The following KIAA1614 variants were observed in gnomAD, a reference collection of about 807,000 sequenced individuals.
KIAA1614 encodes the protein KIAA1614, also known as uncharacterized protein KIAA1614.
In KIAA1614, 76 loss-of-function variants were observed where a neutral mutation model predicts 88.7. That is an observed-to-expected ratio of 0.86 (90% CI 0.71 to 1.04). The LOEUF is 1.04. KIAA1614 is among the 50% of genes least tolerant of loss of function. The pLI is 0.00. For synonymous variants in KIAA1614, 714 were observed against 675.5 expected (o/e 1.06, Z -0.88); for missense variants, 1,553 against 1,582.5 (o/e 0.98, Z 0.32).
intron 1 of KIAA1614, among the ~76,000 whole-genome samples, chr1:180,914,958 C>A (rs927262207): frequency 5.3e-5 from 8 of 152,138 alleles, no homozygotes; most frequent in Non-Finnish European, 8.8e-5. Flanking sequence ...TGAGCCACCG[C>A]GCCTAGCCAA....
rs922159321 is a variant in KIAA1614 at position 180,946,497 on chromosome 1, G to A, written c.*909G>A. On this transcript the variant is annotated 3_prime_UTR_variant, in exon 9 of 9. Coordinates refer to ENST00000367588, the MANE Select transcript of KIAA1614 (RefSeq NM_020950.2). ...GGCAACGTGACTTGCAAAAGCCCACGCCCAAGGTCTGTGGTCCAGAATGCA... is the reference window on the plus strand; with the variant it reads ...GGCAACGTGACTTGCAAAAGCCCACACCCAAGGTCTGTGGTCCAGAATGCA... The A allele has an allele frequency of 6.6e-5, 10 of 152,238 alleles. No homozygotes were observed. The highest frequency in any genetic ancestry group is 5.2e-4 in the Admixed American group (8 of 15,282). 9.4% of individuals were successfully genotyped at this position (152,238 alleles called of 1,614,324 possible).
rs192022545 is a variant in KIAA1614, at chr1:180,929,880, G to A, written c.1205+1307G>A. On this transcript the variant is annotated intron_variant, in intron 4 of 8. Coordinates refer to ENST00000367588, the MANE Select transcript of KIAA1614 (RefSeq NM_020950.2). ...GCAGTGGAGGGAGCAGGGGTTCTTA[G>A]GGAACAGGGATCTTGGTGGAACTGG... is the stretch of plus-strand genomic sequence containing the variant. Among the ~76,000 whole-genome samples, 585 of 152,284 alleles carry A rather than the reference G, an allele frequency of 3.8e-3. 5 individuals are homozygous for A. Among genetic ancestry groups the A allele is most frequent in the African/African-American group, 0.013 (528 of 41,548 alleles).
In KIAA1614 at chr1:180,936,107, A is replaced by T; in HGVS notation, c.2198A>T (p.Gln733Leu). 6.2e-7 allele frequency: 1 copy of T among 1,614,174 alleles called. No individual in the cohort carries two copies. Among genetic ancestry groups the T allele is most frequent in the South Asian group, 1.1e-5 (1 of 91,082 alleles). Residue 733 changes from glutamine to leucine, a missense_variant, in exon 5 of 9, where the codon CAG becomes CTG. Coordinates refer to ENST00000367588, the MANE Select transcript of KIAA1614 (RefSeq NM_020950.2). Reference sequence around the variant, plus strand: ...CCTGGACCAGGGCTGGGAAGTCACCAGCCTCACCCTTTGGATTCCCGGACT... The same window carrying T: ...CCTGGACCAGGGCTGGGAAGTCACCTGCCTCACCCTTTGGATTCCCGGACT... ...WQPGPGLGSHQPHPLDSRTPC... is the reference protein window; with the variant it reads ...WQPGPGLGSHLPHPLDSRTPC...
rs972744229 is a variant in KIAA1614, at chr1:180,936,750, C to T, written c.2761+80C>T. 2.4e-5 allele frequency: 22 copies of T among 905,124 alleles called. No individual in the cohort carries two copies. The South Asian group carries it at 3.8e-4, about 16-fold the overall frequency. 56.1% of individuals were successfully genotyped at this position (905,124 alleles called of 1,614,324 possible). A position where few individuals can be genotyped will look rare whatever the true frequency, so the allele number is the denominator to read the frequency against. On this transcript the variant is annotated intron_variant, in intron 5 of 8. Coordinates refer to ENST00000367588, the MANE Select transcript of KIAA1614 (RefSeq NM_020950.2). ...AGACGCCCAGACCCAATCCATGACA[C>T]ACAGGCCTTCAGAGTCATTCCCTTT...
In KIAA1614 at chr1:180,945,964, G is replaced by A. The variant is rs748940132; in HGVS notation, c.*376G>A. 13 of 237,030 alleles carry A rather than the reference G, an allele frequency of 5.5e-5. No individual in the cohort carries two copies. Among genetic ancestry groups the A allele is most frequent in the African/African-American group, 7.0e-5 (3 of 43,116 alleles). 14.7% of individuals were successfully genotyped at this position (237,030 alleles called of 1,614,324 possible). On this transcript the variant is annotated 3_prime_UTR_variant, in exon 9 of 9. Transcript: ENST00000367588. ...ACTAAAAATACAAAATTAGCTGGGC[G>A]TGGTGGCGCATGCCTATAATCCCAG...
intron 6 of KIAA1614, among the ~76,000 whole-genome samples, chr1:180,939,842 C>T (rs911991690): frequency 6.6e-6 from 1 of 152,204 alleles, no homozygotes. Context: ...CCTCTTCCCC[C>T]TTTCTCATCA....
rs1161970214 is a variant in KIAA1614 at position 180,950,455 on chromosome 1, G to A, written c.*4867G>A. 4.2e-6 allele frequency: 5 copies of A among 1,179,336 alleles called. No individual in the cohort carries two copies. The highest frequency in any genetic ancestry group is 5.4e-6 in the Non-Finnish European group (5 of 932,872). The allele number at this position is 1,179,336 out of a possible 1,614,324, so 73.1% of individuals were successfully genotyped here. Reference sequence around the variant, plus strand: ...GGGCCAAGGTGGCAGGGCTGGGCTTGGCTCACATTAAGGAGCTCCTGGCCC... The same window carrying A: ...GGGCCAAGGTGGCAGGGCTGGGCTTAGCTCACATTAAGGAGCTCCTGGCCC... On this transcript the variant is annotated 3_prime_UTR_variant, in exon 9 of 9. Coordinates refer to ENST00000367588, the MANE Select transcript of KIAA1614 (RefSeq NM_020950.2).
Position 180,916,207 on chromosome 1 carries a change from T to C in KIAA1614, c.104T>C (p.Val35Ala), listed in dbSNP as rs750930526. ...TASPVEGTSA[V>A]EWSGPEPQLD... ...AGCCCCGTGGAGGGGACCTCAGCTG[T>C]GGAGTGGAGTGGTCCTGAGCCACAG... is the stretch of plus-strand genomic sequence containing the variant. Residue 35 changes from valine (V) to alanine (A), a missense_variant, in exon 2 of 9, where the codon GTG (valine) becomes GCG (alanine). Coordinates refer to ENST00000367588, the MANE Select transcript of KIAA1614 (RefSeq NM_020950.2). 8.9e-5 allele frequency: 143 copies of C among 1,607,584 alleles called. No individual in the cohort carries two copies. The highest frequency in any genetic ancestry group is 1.2e-4 in the Non-Finnish European group (136 of 1,177,374).
At position 180,917,021 on chromosome 1, in the gene KIAA1614, G is replaced by A. The variant is rs1453026301; in HGVS notation, c.918G>A (p.Glu306=). The A allele has an allele frequency of 6.2e-7, 1 of 1,613,848 alleles. No individual in the cohort carries two copies. Among genetic ancestry groups the A allele is most frequent in the Non-Finnish European group, 8.5e-7 (1 of 1,180,046 alleles). The part of the protein sequence containing the change: ...RVERNRLLLQ[E]MLNVSGQSPR... ...AGAGAAACCGCCTGTTGCTGCAGGAGATGCTCAACGTTTCTGGGCAGAGCC... is the reference window on the plus strand; with the variant it reads ...AGAGAAACCGCCTGTTGCTGCAGGAAATGCTCAACGTTTCTGGGCAGAGCC... The change falls in exon 2 of 9, where the codon GAG becomes GAA. Residue 306 remains glutamate (E), a synonymous_variant. Transcript: ENST00000367588.
chr1:180,936,916 G>A (rs1325370818), intron 5 of KIAA1614, among the ~76,000 whole-genome samples: 2 of 152,178 alleles, frequency 1.3e-5, no homozygotes, highest in African/African-American at 4.8e-5. Context: ...CCCTCCCGGG[G>A]GAGGCAGAAC....
intron 3 of KIAA1614, among the ~76,000 whole-genome samples, chr1:180,920,878 C>T (rs1327427582): frequency 3.3e-5 from 5 of 152,228 alleles, no homozygotes; most frequent in Admixed American, 6.5e-5. Flanking sequence ...CAAGAGAAGG[C>T]TCAGTTGCAG....
intron 7 of KIAA1614, 159 bp from the exon 8 acceptor site, chr1:180,944,230 A>C: frequency 1.5e-6 from 1 of 672,304 alleles, no homozygotes; most frequent in Non-Finnish European, 2.5e-6. Flanking sequence ...GATGTCCTTG[A>C]GTAAGTCATG....
chr1:180,946,433 G>A lies in KIAA1614; in HGVS notation c.*845G>A, dbSNP rs1162991965. The stretch of plus-strand genomic sequence containing the variant: ...AGTCCTGGACATCATTCTGCACTCT[G>A]ACCAGTTCTCAGTTCCACCCCATCC... On this transcript the variant is annotated 3_prime_UTR_variant, in exon 9 of 9. Transcript: ENST00000367588. 1 of 152,340 alleles carries A rather than the reference G, an allele frequency of 6.6e-6. No individual in the cohort carries two copies. The highest frequency in any genetic ancestry group is 1.9e-4 in the East Asian group (1 of 5,182). 9.4% of individuals were successfully genotyped at this position (152,340 alleles called of 1,614,324 possible). A position where few individuals can be genotyped will look rare whatever the true frequency, so the allele number is the denominator to read the frequency against.
chr1:180,922,612 C>G (rs1319224092), intron 3 of KIAA1614, among the ~76,000 whole-genome samples: 1 of 152,162 alleles, frequency 6.6e-6, no homozygotes, highest in Non-Finnish European at 1.5e-5. Flanking sequence ...AAATCTCAGG[C>G]TTTTAAAGCT....
rs1471806343 is a variant in KIAA1614 at position 180,947,445 on chromosome 1, A to C, written c.*1857A>C. 2 of 151,646 alleles carry C rather than the reference A, an allele frequency of 1.3e-5. No individual in the cohort carries two copies. Among genetic ancestry groups the C allele is most frequent in the African/African-American group, 4.9e-5 (2 of 41,056 alleles). 9.4% of individuals were successfully genotyped at this position (151,646 alleles called of 1,614,324 possible). ...CAGAGACAGTGGTGCCTGGACTGGG[A>C]ACGGCTGTGGAGATGGGGAGAGGGG... is the stretch of plus-strand genomic sequence containing the variant. On this transcript the variant is annotated 3_prime_UTR_variant, in exon 9 of 9. Coordinates refer to ENST00000367588, the MANE Select transcript of KIAA1614 (RefSeq NM_020950.2).
In KIAA1614 at chr1:180,916,104, G is replaced by A. The variant is rs764182204; in HGVS notation, c.51-50G>A. 4 of 1,436,926 alleles carry A rather than the reference G, an allele frequency of 2.8e-6. No homozygotes were observed. The African/African-American group carries it at 4.3e-5, about 15-fold the overall frequency. The allele number at this position is 1,436,926 out of a possible 1,614,324, so 89.0% of individuals were successfully genotyped here. On this transcript the variant is annotated intron_variant, in intron 1 of 8. Coordinates refer to ENST00000367588, the MANE Select transcript of KIAA1614 (RefSeq NM_020950.2). ...ACTTTGGGGCCCCGGGAGGTTGTGG[G>A]GGTTAGTCCTGTGCTGGGTCTTAGG...
chr1:180,928,541 T>C lies in KIAA1614; in HGVS notation c.1173T>C (p.His391=). Residue 391 remains histidine, a synonymous_variant, in exon 4 of 9, where the codon CAT becomes CAC. Coordinates refer to ENST00000367588, the MANE Select transcript of KIAA1614 (RefSeq NM_020950.2). ...GGACCCGGCCCCTCCGTGCCAGCCA[T>C]GACATCGTGCCCACCATTACCCAGG... ...KARTRPLRAS[H]DIVPTITQGS... is the part of the protein sequence containing the mutation. The C allele has an allele frequency of 6.2e-7, 1 of 1,612,818 alleles. No individual in the cohort carries two copies. Among genetic ancestry groups the C allele is most frequent in the Non-Finnish European group, 8.5e-7 (1 of 1,179,838 alleles).
At chr1:180,914,293 A>G (rs189785537) in intron 1 of KIAA1614, among the ~76,000 whole-genome samples, 124 of 152,358 alleles carry the variant, frequency 8.1e-4, no homozygotes, top group Admixed American at 2.4e-3. Context: ...ATTCCTTGTG[A>G]AGGGATAAAC....
rs1288571877 is a variant in KIAA1614 at position 180,916,953 on chromosome 1, C to A, written c.850C>A (p.Leu284Met). ...ERWRAGDLEA[L>M]GAGSSVLSLS... ...CTGGAGAGCTGGAGACCTGGAGGCT[C>A]TGGGCGCTGGGAGCAGTGTCTTGTC... Residue 284 changes from leucine (L) to methionine (M), a missense_variant, in exon 2 of 9, where the codon CTG becomes ATG. By Grantham distance (15) the Leu-to-Met change is conservative. Coordinates refer to ENST00000367588, the MANE Select transcript of KIAA1614 (RefSeq NM_020950.2). 1 of 1,614,112 alleles carries A rather than the reference C, an allele frequency of 6.2e-7. No individual in the cohort carries two copies. Among genetic ancestry groups the A allele is most frequent in the African/African-American group, 1.3e-5 (1 of 74,958 alleles).
Sources: gnomAD v4.1 joint callset for allele counts (sites outside exome capture counted in the v4.1 genomes callset) on GRCh38, gnomAD v4.1.1 for gene constraint, MANE v1.5 for transcripts, NCBI Gene and HGNC (gene_info 2026-07-23, HGNC 2026-07-21) for gene names.